Variants in PLCL2 observed in about 807,000 individuals in gnomAD.
PLCL2 encodes the protein phospholipase C like 2.
A neutral mutation model predicts 79.6 loss-of-function variants in PLCL2; 4 were observed. The ratio of observed to expected loss-of-function variants is 0.05; its 90% confidence interval spans 0.02 to 0.11. PLCL2 has a LOEUF of 0.11. PLCL2 is among the 10% of genes least tolerant of loss of function. The pLI is 1.00. For synonymous variants in PLCL2, 484 were observed against 457.7 expected, an observed-to-expected ratio of 1.06 and a Z score of -0.73; for missense variants, 895 against 1,291.0, an observed-to-expected ratio of 0.69 and a Z score of 4.70.
intron 1 of PLCL2, among the ~76,000 whole-genome samples, chr3:16,922,038 G>A (rs751175482): frequency 4.6e-5 from 7 of 152,088 alleles, no homozygotes; most frequent in African/African-American, 1.2e-4. Context: ...TACAACAAAA[G>A]CTATTTTTAA....
chr3:16,993,337 TC>T (rs1317304060), intron 1 of PLCL2, among the ~76,000 whole-genome samples: 1 of 152,216 alleles, frequency 6.6e-6, no homozygotes, highest in Admixed American at 6.5e-5. Flanking sequence ...TTCCAGCCAT[TC>T]CTGTGGTTTG....
chr3:16,981,091 G>A lies in PLCL2; in HGVS notation c.328-28583G>A, dbSNP rs1297116806. ...AGTGAGCCGAGATGGCAGCAGTACC[G>A]TCCAGCTTCGGCTCGGCATCAGAGG... On this transcript the variant is annotated intron_variant, in intron 1 of 5. Transcript: ENST00000615277. Among the ~76,000 whole-genome samples, 3 of 152,198 alleles carry A rather than the reference G, an allele frequency of 2.0e-5. 1 individual carries two copies. Among genetic ancestry groups the A allele is most frequent in the Admixed American group, 1.3e-4 (2 of 15,294 alleles).
intron 1 of PLCL2, among the ~76,000 whole-genome samples, chr3:16,967,472 G>A (rs1319306337): frequency 1.3e-5 from 2 of 152,112 alleles, no homozygotes. Flanking sequence ...ACTGGTATGA[G>A]ATGGTATCTC....
chr3:17,014,583 TTATAACACTGTTA>T, intron 2 of PLCL2, 112 bp from the exon 3 acceptor site: 1 of 761,192 alleles, frequency 1.3e-6, no homozygotes, highest in Non-Finnish European at 2.2e-6. Context: ...GCCAATTCTG[TTATAACACTGTTA>T]ATAACTTTTG....
At chr3:16,999,403 G>A (rs1335422740) in intron 1 of PLCL2, among the ~76,000 whole-genome samples, 1 of 152,118 alleles carries the variant, frequency 6.6e-6, no homozygotes, top group African/African-American at 2.4e-5. Context: ...ATTTGTCTTT[G>A]TTATTCTTCC....
intron 1 of PLCL2, among the ~76,000 whole-genome samples, chr3:17,005,341 C>A (rs1187633928): frequency 6.6e-6 from 1 of 150,530 alleles, no homozygotes; most frequent in Non-Finnish European, 1.5e-5. Context: ...TTGTTGCCAG[C>A]CGATGAAATG....
At chr3:17,082,769 A>T (rs1330891378) in intron 5 of PLCL2, among the ~76,000 whole-genome samples, 1 of 152,170 alleles carries the variant, frequency 6.6e-6, no homozygotes, top group Non-Finnish European at 1.5e-5. Context: ...GCTGACACGG[A>T]AAGATCACTA....
At chr3:16,972,482 G>C (rs573163454) in intron 1 of PLCL2, among the ~76,000 whole-genome samples, 13 of 152,224 alleles carry the variant, frequency 8.5e-5, no homozygotes, top group African/African-American at 3.1e-4. Flanking sequence ...CTGTTGTTTT[G>C]GGGTGGAGAG....
chr3:17,028,440 A>C (rs1476170411), intron 3 of PLCL2, among the ~76,000 whole-genome samples: 1 of 151,636 alleles, frequency 6.6e-6, no homozygotes, highest in Non-Finnish European at 1.5e-5. Flanking sequence ...TACTCGTCAC[A>C]ACTTATAATT....
intron 1 of PLCL2, among the ~76,000 whole-genome samples, chr3:16,954,194 AG>A (rs2063680868): frequency 6.6e-6 from 1 of 152,134 alleles, no homozygotes; most frequent in African/African-American, 2.4e-5. Flanking sequence ...AGCCCACAAC[AG>A]TCACTGGAGT....
chr3:16,942,481 C>T (rs2063559220), intron 1 of PLCL2, among the ~76,000 whole-genome samples: 1 of 152,154 alleles, frequency 6.6e-6, no homozygotes, highest in Non-Finnish European at 1.5e-5. Context: ...GCGTCCTTCC[C>T]TCCCAGGTGC....
chr3:16,944,112 G>A (rs2063579912), intron 1 of PLCL2, among the ~76,000 whole-genome samples: 1 of 152,178 alleles, frequency 6.6e-6, no homozygotes, highest in East Asian at 1.9e-4. Context: ...TGGGAAAATT[G>A]TATAACCTTA....
intron 3 of PLCL2, among the ~76,000 whole-genome samples, chr3:17,030,661 C>G (rs1196520702): frequency 2.0e-5 from 3 of 152,208 alleles, no homozygotes; most frequent in Non-Finnish European, 4.4e-5. Context: ...ACAGTAAATA[C>G]TCTAGTAGCT....
intron 2 of PLCL2, 120 bp downstream of exon 2, chr3:17,012,280 GT>G (rs1240454524): frequency 9.1e-6 from 8 of 876,384 alleles, no homozygotes; most frequent in Non-Finnish European, 1.3e-5. Context: ...ATTCTGATTA[GT>G]TCTTAGAATG....
chr3:16,988,325 C>A (rs539373553), intron 1 of PLCL2, among the ~76,000 whole-genome samples: 1 of 152,164 alleles, frequency 6.6e-6, no homozygotes, highest in African/African-American at 2.4e-5. Flanking sequence ...AAGGAAAGAG[C>A]GCTTTAAGCA....
intron 1 of PLCL2, among the ~76,000 whole-genome samples, chr3:16,910,870 G>A (rs956408332): frequency 1.4e-4 from 22 of 151,990 alleles, no homozygotes; most frequent in African/African-American, 5.3e-4. Context: ...CTTATCTCAT[G>A]TACTACATCA....
chr3:17,011,900 T>G lies in PLCL2; in HGVS notation c.2554T>G (p.Leu852Val). ...IGQYTIPFEC[L>V]QTGYRHVPLQ... ...CCAGTACACAATTCCCTTTGAATGT[T>G]TACAGACGGGCTACCGCCATGTCCC... Residue 852 changes from leucine (L) to valine (V), a missense_variant, in exon 2 of 6, where the codon TTA (leucine) becomes GTA (valine). By Grantham distance (32) the Leu-to-Val change is conservative. Transcript: ENST00000615277. This position sits in a 1 kb window ranked among gnomAD's most constrained non-coding sequence, Gnocchi z 7.9. 1 of 1,614,214 alleles carries G rather than the reference T, an allele frequency of 6.2e-7. No homozygotes were observed. Among genetic ancestry groups the G allele is most frequent in the Non-Finnish European group, 8.5e-7 (1 of 1,180,036 alleles).
At chr3:16,948,046 A>G (rs1201082440) in intron 1 of PLCL2, among the ~76,000 whole-genome samples, 1 of 152,248 alleles carries the variant, frequency 6.6e-6, no homozygotes, top group African/African-American at 2.4e-5. Context: ...TTTCTTAAAC[A>G]GCATTTGAAT....
intron 1 of PLCL2, among the ~76,000 whole-genome samples, chr3:16,940,007 T>C (rs1338487966): frequency 6.6e-6 from 1 of 152,092 alleles, no homozygotes; most frequent in Non-Finnish European, 1.5e-5. Context: ...TTTGAGACAG[T>C]GGCATTCAAA....
Sources: gnomAD v4.1 joint callset for allele counts (sites outside exome capture counted in the v4.1 genomes callset) on GRCh38, gnomAD v4.1.1 for gene constraint, Gnocchi (gnomAD v3.1) non-coding constraint, MANE v1.5 for transcripts, NCBI Gene and HGNC (gene_info 2026-07-23, HGNC 2026-07-21) for gene names.